UTRN: variants seen among roughly 807,000 people sequenced by gnomAD.
UTRN encodes utrophin.
Under a neutral mutation model 463.9 loss-of-function variants are expected in UTRN, and 283 were observed. That is an observed-to-expected ratio of 0.61 (90% CI 0.55 to 0.67). The LOEUF is 0.67. UTRN is among the 30% of genes least tolerant of loss of function. The pLI, the probability that UTRN is intolerant of heterozygous loss-of-function variation, is 0.00. For synonymous variants in UTRN, 1,442 were observed against 1,431.5 expected (o/e 1.01, Z -0.17); for missense variants, 3,922 against 4,084.3 (o/e 0.96, Z 1.08).
intron 50 of UTRN, among the ~76,000 whole-genome samples, chr6:144,559,159 A>T (rs1215541463): frequency 6.6e-6 from 1 of 151,388 alleles, no homozygotes; most frequent in East Asian, 1.9e-4. Context: ...AGCCTACAGC[A>T]GTAGTTGGAT....
At chr6:144,370,548 C>T (rs187766447) in intron 2 of UTRN, among the ~76,000 whole-genome samples, 4 of 152,302 alleles carry the variant, frequency 2.6e-5, no homozygotes, top group East Asian at 1.9e-4. Context: ...GCTAGGGCAG[C>T]GTGGAAGGGA....
intron 61 of UTRN, among the ~76,000 whole-genome samples, chr6:144,784,435 CT>C (rs1460335806): frequency 2.0e-5 from 3 of 152,144 alleles, no homozygotes; most frequent in Admixed American, 6.5e-5. Flanking sequence ...ATGGTTTTTC[CT>C]TGTCTGATGT....
In UTRN at chr6:144,331,180, G is replaced by GT. The variant is rs1584308416; in HGVS notation, c.79+39279dup. On this transcript the variant is annotated intron_variant, in intron 2 of 74. Transcript: ENST00000367545. ...GTGACCTAGGAAGTTTTTAAAAGAC[G>GT]TTTTTTCTAAATAATGTCATGAAAT... Among the ~76,000 whole-genome samples, 6 of 152,196 alleles carry GT rather than the reference G, an allele frequency of 3.9e-5. No homozygotes were observed. The East Asian group carries it at 9.6e-4, about 24-fold the overall frequency.
intron 38 of UTRN, 26 bp from the exon 39 acceptor site, chr6:144,516,785 T>A: frequency 8.0e-7 from 1 of 1,254,096 alleles, no homozygotes; most frequent in East Asian, 3.1e-5. Flanking sequence ...TTTTGAGTCA[T>A]TTTTTTTTTC....
chr6:144,815,058 T>G (rs1297044027), intron 65 of UTRN, among the ~76,000 whole-genome samples: 1 of 152,220 alleles, frequency 6.6e-6, no homozygotes, highest in Admixed American at 6.5e-5. Flanking sequence ...AGGAAGCTGT[T>G]GAAGACTGTT....
chr6:144,818,889 G>GTT (rs145196641), intron 65 of UTRN, among the ~76,000 whole-genome samples: 168 of 139,958 alleles, frequency 1.2e-3, no homozygotes, highest in Middle Eastern at 7.8e-3. Flanking sequence ...ACTACAATCT[G>GTT]TTGTTTTTTT....
Position 144,488,775 on chromosome 6 carries a change from C to T in UTRN, c.4075C>T (p.Gln1359Ter). The change falls in exon 30 of 75, where the codon CAG (glutamine) becomes TAG (stop). Residue 1359 changes from glutamine (Q) to a stop codon, truncating the protein, a stop_gained. Transcript: ENST00000367545. LOFTEE classifies it high-confidence loss of function. Reference sequence around the variant, plus strand: ...AGAGAGCTTGGGGGAGCTGGACAAACAGCTCACCACATACCTGACTGACAG... The same window carrying T: ...AGAGAGCTTGGGGGAGCTGGACAAATAGCTCACCACATACCTGACTGACAG... The part of the protein sequence containing the change: ...LQESLGELDK[Q>*]LTTYLTDRID... The T allele has an allele frequency of 6.2e-7, 1 of 1,612,656 alleles. No homozygotes were observed. The highest frequency in any genetic ancestry group is 8.5e-7 in the Non-Finnish European group (1 of 1,179,120).
chr6:144,626,420 A>G (rs1035221519), intron 51 of UTRN, among the ~76,000 whole-genome samples: 1 of 152,182 alleles, frequency 6.6e-6, no homozygotes, highest in African/African-American at 2.4e-5. Context: ...AAGAACCCAA[A>G]TGACATTCCG....
intron 1 of UTRN, 42 bp from the exon 2 acceptor site, chr6:144,291,695 A>G: frequency 5.0e-6 from 3 of 602,058 alleles, no homozygotes; most frequent in Non-Finnish European, 5.5e-6. Flanking sequence ...TAAAATATAT[A>G]AATACATTTT....
intron 19 of UTRN, among the ~76,000 whole-genome samples, chr6:144,456,296 C>G (rs1788806261): frequency 6.6e-6 from 1 of 152,148 alleles, no homozygotes; most frequent in Non-Finnish European, 1.5e-5. Flanking sequence ...TAGGTCTTTC[C>G]TGCCTAATGC....
chr6:144,391,690 A>G (rs1490779657), intron 2 of UTRN, among the ~76,000 whole-genome samples: 9 of 152,160 alleles, frequency 5.9e-5, no homozygotes, highest in African/African-American at 1.4e-4. Flanking sequence ...CGCCCAGGCT[A>G]GAGTGCAGTG....
intron 23 of UTRN, among the ~76,000 whole-genome samples, chr6:144,471,724 C>T (rs564127948): frequency 6.6e-6 from 1 of 152,284 alleles, no homozygotes; most frequent in South Asian, 2.1e-4. Flanking sequence ...TAGTGTCAGA[C>T]AGGCTGGAGA....
At chr6:144,535,802 C>T (rs1205975260) in intron 43 of UTRN, among the ~76,000 whole-genome samples, 1 of 151,966 alleles carries the variant, frequency 6.6e-6, no homozygotes, top group African/African-American at 2.4e-5. Context: ...TTTTTGGAGA[C>T]AAGGTCTTGT....
intron 52 of UTRN, among the ~76,000 whole-genome samples, chr6:144,690,956 T>A (rs1162327866): frequency 1.3e-5 from 2 of 152,226 alleles, no homozygotes; most frequent in Non-Finnish European, 2.9e-5. Flanking sequence ...TCTTGTTAAG[T>A]TCCTGTGTTG....
At chr6:144,843,608 A>T (rs1781778619) in intron 73 of UTRN, among the ~76,000 whole-genome samples, 1 of 152,188 alleles carries the variant, frequency 6.6e-6, no homozygotes, top group South Asian at 2.1e-4. Flanking sequence ...AGAGGAGTAT[A>T]CACAGTACCT....
chr6:144,775,153 T>A (rs926333475), intron 60 of UTRN, among the ~76,000 whole-genome samples: 4 of 152,216 alleles, frequency 2.6e-5, no homozygotes, highest in African/African-American at 9.6e-5. Flanking sequence ...AATATACGTC[T>A]AGGCAGTTCA....
intron 12 of UTRN, among the ~76,000 whole-genome samples, chr6:144,439,486 T>TTTTC (rs1554254834): frequency 1.3e-5 from 2 of 150,828 alleles, no homozygotes; most frequent in African/African-American, 2.5e-5. Flanking sequence ...TTTAAATAAA[T>TTTTC]TTTCTTTCTT....
At chr6:144,627,510 A>C (rs1056960125) in intron 51 of UTRN, among the ~76,000 whole-genome samples, 7 of 152,198 alleles carry the variant, frequency 4.6e-5, no homozygotes, top group Admixed American at 1.3e-4. Flanking sequence ...AATCAGTGGC[A>C]TTAGAAACAT....
chr6:144,557,142 G>A lies in UTRN; in HGVS notation c.7135-15G>A. 6.2e-7 allele frequency: 1 copy of A among 1,611,858 alleles called. No individual in the cohort carries two copies. The highest frequency in any genetic ancestry group is 8.5e-7 in the Non-Finnish European group (1 of 1,178,904). On this transcript the variant is annotated splice_polypyrimidine_tract_variant and intron_variant, in intron 49 of 74. Transcript: ENST00000367545. ...GTGACCAAGTCTAACAAACAGACCTGCACTTGCACCTCAGATACTGCTTCA... is the reference window on the plus strand; with the variant it reads ...GTGACCAAGTCTAACAAACAGACCTACACTTGCACCTCAGATACTGCTTCA...
Sources: allele counts gnomAD v4.1 joint callset (sites outside exome capture counted in the v4.1 genomes callset), GRCh38; gene constraint gnomAD v4.1.1; transcripts MANE v1.5; gene names NCBI Gene and HGNC (gene_info 2026-07-23, HGNC 2026-07-21).